The following SHROOM2 variants were observed in gnomAD, a reference collection of about 807,000 sequenced individuals.
SHROOM2 encodes the protein protein Shroom2.
Under a neutral mutation model 75.9 loss-of-function variants are expected in SHROOM2, and 33 were observed. That is an observed-to-expected ratio of 0.43 (90% CI 0.33 to 0.58). The LOEUF (loss-of-function observed/expected upper bound fraction) is 0.58, where lower values mean the gene tolerates loss of function less well. SHROOM2 is among the 20% of genes least tolerant of loss of function. The pLI, the probability that SHROOM2 is intolerant of heterozygous loss-of-function variation, is 0.04. For synonymous variants in SHROOM2, 655 were observed against 663.6 expected, an observed-to-expected ratio of 0.99 and a Z score of 0.20; for missense variants, 1,434 against 1,461.2, an observed-to-expected ratio of 0.98 and a Z score of 0.30.
rs1030281994 is a variant in SHROOM2, at chrX:9,895,662, C to T, written c.1754C>T (p.Pro585Leu). ...AGCAGGATCTGCCCGCAGGAGACGC[C>T]CCTGTTGCACTCCCTGACCCAGGAG... is the stretch of plus-strand genomic sequence containing the variant. ...ESSRICPQET[P>L]LLHSLTQEGK... Residue 585 changes from proline to leucine, a missense_variant, in exon 4 of 10, where the codon CCC becomes CTC. Pro to Leu is a moderately conservative substitution (Grantham distance 98). Around this residue, in one of 3 missense-constraint regions of SHROOM2, gnomAD observed 1,340 missense variants for 1,338.3 expected, o/e 1.00. Transcript: ENST00000380913. 3.4e-6 allele frequency: 4 copies of T among 1,170,845 alleles called. No individual in the cohort carries two copies. Among genetic ancestry groups the T allele is most frequent in the Non-Finnish European group, 4.6e-6 (4 of 878,872 alleles).
At chrX:9,841,368 C>A (rs574532454) in intron 1 of SHROOM2, among the ~76,000 whole-genome samples, 1 of 111,447 alleles carries the variant, frequency 9.0e-6, no homozygotes, top group East Asian at 2.8e-4. Flanking sequence ...AAGATAAGTT[C>A]TTGTACATGC....
At chrX:9,915,780 A>G (rs1055759480) in intron 5 of SHROOM2, among the ~76,000 whole-genome samples, 4 of 112,436 alleles carry the variant, frequency 3.6e-5, no homozygotes, top group Non-Finnish European at 7.5e-5. Context: ...TCTGAAGTCT[A>G]TTGGATAAAC....
At chrX:9,855,906 C>T (rs1221335615) in intron 1 of SHROOM2, among the ~76,000 whole-genome samples, 1 of 111,409 alleles carries the variant, frequency 9.0e-6, no homozygotes, top group African/African-American at 3.3e-5. Flanking sequence ...GCATACCCGC[C>T]AAAGCGCACT....
At chrX:9,913,250 A>G (rs1198215299) in intron 5 of SHROOM2, 1 of 112,404 alleles carries the variant, frequency 8.9e-6, no homozygotes, top group Non-Finnish European at 1.9e-5. Context: ...CATCCTCAAG[A>G]AAAAAAAGCG....
At chrX:9,935,747 C>G (rs1408043727) in intron 6 of SHROOM2, among the ~76,000 whole-genome samples, 1 of 111,763 alleles carries the variant, frequency 8.9e-6, no homozygotes, top group East Asian at 2.8e-4. Context: ...TTTAGAGCAT[C>G]GTGGCTGCCC....
rs73474576 is a variant in SHROOM2 at position 9,885,814 on chromosome X, G to A, written c.318-5163G>A. Among the ~76,000 whole-genome samples, 602 of 109,422 alleles carry A rather than the reference G, an allele frequency of 5.5e-3. 5 individuals are homozygous for A. Among genetic ancestry groups the A allele is most frequent in the African/African-American group, 0.019 (575 of 29,969 alleles). ...TCATTATACAAAAAGTTAGCTTGGCGTGGTGGTGTGTGTCTGTGGTCCCAG... is the reference window on the plus strand; with the variant it reads ...TCATTATACAAAAAGTTAGCTTGGCATGGTGGTGTGTGTCTGTGGTCCCAG... On this transcript the variant is annotated intron_variant, in intron 2 of 9. Coordinates refer to ENST00000380913, the MANE Select transcript of SHROOM2 (RefSeq NM_001649.4).
intron 5 of SHROOM2, among the ~76,000 whole-genome samples, chrX:9,921,803 A>G (rs1037119100): frequency 4.5e-5 from 5 of 111,925 alleles, no homozygotes; most frequent in Non-Finnish European, 9.4e-5. Flanking sequence ...AGTCTTTTCT[A>G]TTCCTCTATA....
intron 1 of SHROOM2, among the ~76,000 whole-genome samples, chrX:9,793,149 G>GCTA (rs1476115770): frequency 2.7e-5 from 3 of 111,862 alleles, no homozygotes; most frequent in African/African-American, 9.8e-5. Flanking sequence ...CCCCTCCCTA[G>GCTA]AGACAACTAT....
At chrX:9,875,844 C>T (rs889765206) in intron 2 of SHROOM2, among the ~76,000 whole-genome samples, 3 of 112,385 alleles carry the variant, frequency 2.7e-5, no homozygotes, top group African/African-American at 9.7e-5. Context: ...GGTATCATTC[C>T]ATATGTTTAG....
chrX:9,890,783 C>A (rs1216427697), intron 2 of SHROOM2, among the ~76,000 whole-genome samples, 194 bp from the exon 3 acceptor site: 1 of 101,935 alleles, frequency 9.8e-6, no homozygotes, highest in East Asian at 3.2e-4. Flanking sequence ...CGCGCATGTG[C>A]TGTGTGCAGT....
intron 1 of SHROOM2, among the ~76,000 whole-genome samples, chrX:9,803,938 G>A (rs890141821): frequency 4.5e-5 from 5 of 111,179 alleles, no homozygotes; most frequent in Non-Finnish European, 9.4e-5. Flanking sequence ...AACCAGTCTC[G>A]ATAACAAATC....
At chrX:9,793,182 T>A (rs967949533) in intron 1 of SHROOM2, among the ~76,000 whole-genome samples, 2 of 112,263 alleles carry the variant, frequency 1.8e-5, no homozygotes, top group African/African-American at 3.2e-5. Flanking sequence ...GCTGATTTCT[T>A]TTGGTATTTC....
Position 9,927,391 on chromosome X carries a change from T to G in SHROOM2, c.2892-4784T>G, listed in dbSNP as rs183068755. ...AAAAAAAAAAAAAAAAAAAAAAAAG[T>G]AGGTGAGGAGGACCCTGTGGTGTGT... On this transcript the variant is annotated intron_variant, in intron 5 of 9. Coordinates refer to ENST00000380913, the MANE Select transcript of SHROOM2 (RefSeq NM_001649.4). 1.4e-3 allele frequency among the ~76,000 whole-genome samples: 93 copies of G among 66,252 alleles called. 1 individual carries two copies. Among genetic ancestry groups the G allele is most frequent in the African/African-American group, 4.2e-3 (82 of 19,491 alleles). 57.5% of individuals were successfully genotyped at this position (66,252 alleles called of 115,157 possible). A position where few individuals can be genotyped will look rare whatever the true frequency, so the allele number is the denominator to read the frequency against.
intron 1 of SHROOM2, among the ~76,000 whole-genome samples, chrX:9,844,338 G>T (rs373482125): frequency 9.1e-6 from 1 of 110,379 alleles, no homozygotes; most frequent in African/African-American, 3.3e-5. Context: ...ATAGTGAGAC[G>T]GCATCTCTCC....
chrX:9,811,551 A>AATC (rs1411846139), intron 1 of SHROOM2, among the ~76,000 whole-genome samples: 3 of 111,790 alleles, frequency 2.7e-5, no homozygotes, highest in Admixed American at 1.9e-4. Flanking sequence ...CCAATTTTCC[A>AATC]ATCATGCTTC....
intron 1 of SHROOM2, among the ~76,000 whole-genome samples, chrX:9,807,356 A>G (rs2083759883): frequency 8.9e-6 from 1 of 112,160 alleles, no homozygotes; most frequent in South Asian, 3.7e-4. Context: ...TTTGGGGGCA[A>G]ATGTCAGAGT....
intron 3 of SHROOM2, among the ~76,000 whole-genome samples, chrX:9,892,549 A>T (rs1225286661): frequency 1.8e-5 from 2 of 112,264 alleles, no homozygotes; most frequent in African/African-American, 6.5e-5. Flanking sequence ...CAGTCTCTTG[A>T]TGAAAGAAAC....
chrX:9,864,773 C>T (rs2084124813), intron 1 of SHROOM2, among the ~76,000 whole-genome samples: 1 of 106,595 alleles, frequency 9.4e-6, no homozygotes. Flanking sequence ...TGCAGTGAGC[C>T]GAGATCCCGC....
In SHROOM2 at chrX:9,855,295, TA is replaced by T. The variant is rs57235424; in HGVS notation, c.166-18331del. 2.9e-3 allele frequency among the ~76,000 whole-genome samples: 114 copies of T among 39,289 alleles called. 2 individuals are homozygous for T. The highest frequency in any genetic ancestry group is 4.2e-3 in the Non-Finnish European group (94 of 22,351). 34.1% of individuals were successfully genotyped at this position (39,289 alleles called of 115,157 possible). ...ATGTATCCCAGAACTTAAAGTATAG[TA>T]AAAAAAAAAAAAAAAAAAAAAAAAA... On this transcript the variant is annotated intron_variant, in intron 1 of 9. Coordinates refer to ENST00000380913, the MANE Select transcript of SHROOM2 (RefSeq NM_001649.4).
Sources: allele counts gnomAD v4.1 joint callset (sites outside exome capture counted in the v4.1 genomes callset), GRCh38; gene constraint gnomAD v4.1.1; regional missense constraint gnomAD v4.1.1; transcripts MANE v1.5; gene names NCBI Gene and HGNC (gene_info 2026-07-23, HGNC 2026-07-21).